KCNH8: variants seen among roughly 807,000 people sequenced by gnomAD.
KCNH8 encodes the protein potassium voltage-gated channel subfamily H member 8, also known as voltage-gated delayed rectifier potassium channel KCNH8.
In KCNH8, 70 loss-of-function variants were observed where a neutral mutation model predicts 103.6. The observed-to-expected ratio is 0.68, with a 90% CI of 0.56 to 0.82. The LOEUF (loss-of-function observed/expected upper bound fraction) is 0.82. KCNH8 is among the 40% of genes least tolerant of loss of function. The pLI is 0.00. For synonymous variants in KCNH8, 498 were observed against 489.4 expected (o/e 1.02, Z -0.23); for missense variants, 1,217 against 1,329.9 (o/e 0.92, Z 1.32).
At chr3:19,426,375 G>A (rs2067028629) in intron 7 of KCNH8, among the ~76,000 whole-genome samples, 1 of 151,774 alleles carries the variant, frequency 6.6e-6, no homozygotes. Context: ...ATATAATGAA[G>A]ACATTTTTCC....
intron 1 of KCNH8, among the ~76,000 whole-genome samples, chr3:19,207,984 G>A (rs998334240): frequency 1.4e-4 from 22 of 152,068 alleles, no homozygotes; most frequent in African/African-American, 5.1e-4. Flanking sequence ...ATTTCAGGGT[G>A]CTCAGTTTAG....
intron 1 of KCNH8, among the ~76,000 whole-genome samples, chr3:19,203,850 A>G (rs2063687050): frequency 1.3e-5 from 2 of 152,072 alleles, no homozygotes; most frequent in Admixed American, 1.3e-4. Flanking sequence ...CTTTGATAAA[A>G]TCAATGCAAT....
chr3:19,270,426 T>C (rs1306646447), intron 2 of KCNH8, among the ~76,000 whole-genome samples: 2 of 152,174 alleles, frequency 1.3e-5, no homozygotes, highest in African/African-American at 2.4e-5. Context: ...TGTAATCATA[T>C]GGGAAAATGT....
rs1336798568 is a variant in KCNH8 at position 19,253,600 on chromosome 3, A to T, written c.77-54A>T. 43 of 1,325,308 alleles carry T rather than the reference A, an allele frequency of 3.2e-5. No individual in the cohort carries two copies. In the Admixed American group the frequency reaches 7.1e-4, roughly 22 times the overall value. 82.1% of individuals were successfully genotyped at this position (1,325,308 alleles called of 1,614,324 possible). A position where few individuals can be genotyped will look rare whatever the true frequency, so the allele number is the denominator to read the frequency against. ...CTGATAATTTATACAGGAATTGTGT[A>T]TAAATTCTCACACTTATCTAGTTGC... is the stretch of plus-strand genomic sequence containing the variant. On this transcript the variant is annotated intron_variant, in intron 1 of 15. Transcript: ENST00000328405.
chr3:19,177,575 A>T (rs1040389226), intron 1 of KCNH8, among the ~76,000 whole-genome samples: 7 of 152,072 alleles, frequency 4.6e-5, no homozygotes, highest in African/African-American at 1.7e-4. Context: ...AAATATATAC[A>T]TATTAAAACT....
chr3:19,464,958 T>G (rs140218304), intron 11 of KCNH8, among the ~76,000 whole-genome samples: 12 of 152,244 alleles, frequency 7.9e-5, no homozygotes, highest in African/African-American at 2.9e-4. Flanking sequence ...TTAGCAGAAA[T>G]AGCACCCAAG....
chr3:19,200,443 G>A (rs1359403336), intron 1 of KCNH8, among the ~76,000 whole-genome samples: 1 of 151,200 alleles, frequency 6.6e-6, no homozygotes, highest in East Asian at 1.9e-4. Flanking sequence ...TTTACTGAAA[G>A]CCCTGAATAT....
chr3:19,274,415 T>C (rs2064633172), intron 2 of KCNH8, among the ~76,000 whole-genome samples: 5 of 152,210 alleles, frequency 3.3e-5, no homozygotes, highest in Admixed American at 6.5e-5. Context: ...CATTGGACTG[T>C]ACTCAGTTGT....
chr3:19,439,402 A>G (rs1199864022), intron 8 of KCNH8, among the ~76,000 whole-genome samples: 1 of 152,242 alleles, frequency 6.6e-6, no homozygotes, highest in East Asian at 1.9e-4. Context: ...AAAGTCTGCA[A>G]AAACTGAGAC....
intron 3 of KCNH8, among the ~76,000 whole-genome samples, chr3:19,333,397 G>T (rs2065538019): frequency 6.6e-6 from 1 of 152,078 alleles, no homozygotes; most frequent in Non-Finnish European, 1.5e-5. Context: ...AAGATTTTTT[G>T]TTTAGAATTG....
At chr3:19,520,088 T>TTTAAA (rs1212089806) in intron 15 of KCNH8, among the ~76,000 whole-genome samples, 2 of 151,860 alleles carry the variant, frequency 1.3e-5, no homozygotes, top group Non-Finnish European at 2.9e-5. Context: ...TTTCTTTTTT[T>TTTAAA]TTAAATTATA....
chr3:19,153,370 A>C (rs1337927120), intron 1 of KCNH8, among the ~76,000 whole-genome samples: 1 of 152,170 alleles, frequency 6.6e-6, no homozygotes, highest in Non-Finnish European at 1.5e-5. Context: ...TGTGTCCACG[A>C]TATAGTCTTT....
intron 5 of KCNH8, among the ~76,000 whole-genome samples, chr3:19,377,005 G>C (rs2066217692): frequency 6.6e-6 from 1 of 152,198 alleles, no homozygotes; most frequent in African/African-American, 2.4e-5. Flanking sequence ...ACATGGAAGA[G>C]GGTAGACAGA....
chr3:19,298,698 G>A lies in KCNH8; in HGVS notation c.442+17369G>A, dbSNP rs190884019. Among the ~76,000 whole-genome samples, 1,104 of 152,056 alleles carry A rather than the reference G, an allele frequency of 7.3e-3. 10 individuals carry two copies. The highest frequency in any genetic ancestry group is 0.025 in the African/African-American group (1,030 of 41,492). ...AGCACTTTGGGAGTCCGAGGCGGGCGGATCACGAGGTCAGGAGATCGAGAC... is the reference window on the plus strand; with the variant it reads ...AGCACTTTGGGAGTCCGAGGCGGGCAGATCACGAGGTCAGGAGATCGAGAC... On this transcript the variant is annotated intron_variant, in intron 3 of 15. Transcript: ENST00000328405.
intron 2 of KCNH8, among the ~76,000 whole-genome samples, chr3:19,258,005 A>G (rs2064368476): frequency 6.6e-6 from 1 of 151,986 alleles, no homozygotes; most frequent in Non-Finnish European, 1.5e-5. Flanking sequence ...AGGTCTCCCT[A>G]TGTGATGGTC....
At chr3:19,327,242 A>C (rs2065436771) in intron 3 of KCNH8, among the ~76,000 whole-genome samples, 1 of 152,156 alleles carries the variant, frequency 6.6e-6, no homozygotes, top group Non-Finnish European at 1.5e-5. Flanking sequence ...GTAGGAAGAA[A>C]AGCATATATG....
chr3:19,242,581 T>C (rs1009875068), intron 1 of KCNH8, among the ~76,000 whole-genome samples: 4 of 152,118 alleles, frequency 2.6e-5, no homozygotes, highest in African/African-American at 4.8e-5. Flanking sequence ...CCCTAAACCA[T>C]AGAAATCAAT....
chr3:19,273,647 C>T lies in KCNH8; in HGVS notation c.311-7551C>T, dbSNP rs570380866. On this transcript the variant is annotated intron_variant, in intron 2 of 15. Coordinates refer to ENST00000328405, the MANE Select transcript of KCNH8 (RefSeq NM_144633.3). Reference sequence around the variant, plus strand: ...AAACATACCGGGAGGCAGAAGCATGCAGCAGCTTTGTGAATGAGGTCAGAA... The same window carrying T: ...AAACATACCGGGAGGCAGAAGCATGTAGCAGCTTTGTGAATGAGGTCAGAA... Among the ~76,000 whole-genome samples the T allele has an allele frequency of 2.0e-5, 3 of 152,292 alleles. No homozygotes were observed. The East Asian group carries it at 5.8e-4, about 29-fold the overall frequency.
At chr3:19,348,392 A>G (rs1387805775) in intron 5 of KCNH8, among the ~76,000 whole-genome samples, 4 of 152,094 alleles carry the variant, frequency 2.6e-5, no homozygotes, top group African/African-American at 2.4e-5. Context: ...TGATGGTTTC[A>G]ATAAATGACC....
Sources: gnomAD v4.1 joint callset for allele counts (sites outside exome capture counted in the v4.1 genomes callset) on GRCh38, gnomAD v4.1.1 for gene constraint, MANE v1.5 for transcripts, NCBI Gene and HGNC (gene_info 2026-07-23, HGNC 2026-07-21) for gene names.